The following SAMD9L variants were observed in gnomAD, a reference collection of about 807,000 sequenced individuals.
The protein encoded by SAMD9L is sterile alpha motif domain-containing protein 9-like.
In SAMD9L, 68 loss-of-function variants were observed where a neutral mutation model predicts 90.7. The ratio of observed to expected loss-of-function variants is 0.75; its 90% CI spans 0.62 to 0.92. The LOEUF is 0.92. Among genes scored for constraint, SAMD9L ranks in the 40% least tolerant of loss-of-function variants. SAMD9L has a pLI of 0.00. For synonymous variants in SAMD9L, 640 were observed against 630.1 expected (o/e 1.02, Z -0.23); for missense variants, 1,604 against 1,824.3 (o/e 0.88, Z 2.20).
Position 93,136,997 on chromosome 7 carries a change from A to G in SAMD9L, c.-20-1006T>C, listed in dbSNP as rs79285323. Among the ~76,000 whole-genome samples the G allele has an allele frequency of 7.6e-4, 116 of 152,354 alleles. No individual in the cohort carries two copies. The East Asian group carries it at 9.6e-3, about 13-fold the overall frequency. On this transcript the variant is annotated intron_variant, in intron 4 of 4. Transcript: ENST00000318238. ...TAGAAATGTAAATTCTCAGGCCCCC[A>G]CTTAGACCTACTGAATCAGAATTTA...
At position 93,133,041 on chromosome 7, in the gene SAMD9L, T is replaced by C. The variant is rs1386008983; in HGVS notation, c.2931A>G (p.Ala977=). The C allele has an allele frequency of 6.2e-7, 1 of 1,613,684 alleles. No individual in the cohort carries two copies. The highest frequency in any genetic ancestry group is 2.2e-5 in the East Asian group (1 of 44,860). ...GCACACCTGTGTATCTCCCATATTC[T>C]GCAACTTCTGTTTTTATTAGAAGTG... ...YSTLLIKTEV[A]EYGRYTGVRI... The change falls in exon 5 of 5, where the codon GCA becomes GCG. Residue 977 remains alanine, a synonymous_variant. Transcript: ENST00000318238.
chr7:93,135,286 A>G lies in SAMD9L; in HGVS notation c.686T>C (p.Met229Thr), dbSNP rs1397481207. The G allele has an allele frequency of 8.7e-6, 14 of 1,614,030 alleles. No homozygotes were observed. The highest frequency in any genetic ancestry group is 1.2e-5 in the Non-Finnish European group (14 of 1,180,002). The change falls in exon 5 of 5, where the codon ATG becomes ACG. Residue 229 changes from methionine (M) to threonine (T), a missense_variant. Coordinates refer to ENST00000318238, the MANE Select transcript of SAMD9L (RefSeq NM_152703.5). ...GATGGTGCCATTGGTGCGTGAATTC[A>G]TACAAGCTGATGCAAATCGGAAGAC... ...NEVFRFASAC[M>T]NSRTNGTIHF...
intron 1 of SAMD9L, among the ~76,000 whole-genome samples, chr7:93,147,662 C>T (rs911747958): frequency 1.3e-5 from 2 of 152,190 alleles, no homozygotes; most frequent in African/African-American, 4.8e-5. Flanking sequence ...AAGTTAGTTT[C>T]GTTTTCCTGA....
chr7:93,144,836 G>GTC lies in SAMD9L; in HGVS notation c.-122-4_-122-3insGA, dbSNP rs1792830735. On this transcript the variant is annotated splice_polypyrimidine_tract_variant and splice_region_variant and intron_variant, in intron 3 of 4. Transcript: ENST00000318238. ...CCCTGCTCTGATCCTCTGTGTAGCTGAAATCGCAAAGCAAAAGTTAGTTTT... is the reference window on the plus strand; with the variant it reads ...CCCTGCTCTGATCCTCTGTGTAGCTGTCAAATCGCAAAGCAAAAGTTAGTTTT... The GTC allele has an allele frequency of 6.6e-6, 1 of 152,198 alleles. No individual in the cohort carries two copies. Among genetic ancestry groups the GTC allele is most frequent in the African/African-American group, 2.4e-5 (1 of 41,458 alleles). 9.4% of individuals were successfully genotyped at this position (152,198 alleles called of 1,614,324 possible). A position where few individuals can be genotyped will look rare whatever the true frequency, so the allele number is the denominator to read the frequency against.
chr7:93,144,342 A>C (rs552222554), intron 4 of SAMD9L, among the ~76,000 whole-genome samples: 1 of 152,220 alleles, frequency 6.6e-6, no homozygotes, highest in Non-Finnish European at 1.5e-5. Context: ...TTGAAAAAAA[A>C]ATTGCATCTG....
Position 93,131,279 on chromosome 7 carries a change from C to A in SAMD9L, c.4693G>T (p.Val1565Leu). 1 of 1,604,532 alleles carries A rather than the reference C, an allele frequency of 6.2e-7. No individual in the cohort carries two copies. The highest frequency in any genetic ancestry group is 8.5e-7 in the Non-Finnish European group (1 of 1,176,408). The change falls in exon 5 of 5, where the codon GTG becomes TTG. Residue 1565 changes from valine to leucine, a missense_variant. Val to Leu is a conservative substitution (Grantham distance 32). Around this residue, in one of 7 missense-constraint regions of SAMD9L, gnomAD observed 282 missense variants for 329.6 expected, o/e 0.86. Transcript: ENST00000318238. ...PLRSGRNIER[V>L]SFYLGFSIEG... ...ATGGAAAATCCTAGGTAGAAAGACA[C>A]TCTTTCTATGTTCCTACCACTTCTG...
chr7:93,133,952 A>G lies in SAMD9L; in HGVS notation c.2020T>C (p.Ser674Pro). The G allele has an allele frequency of 6.2e-7, 1 of 1,613,788 alleles. No individual in the cohort carries two copies. Among genetic ancestry groups the G allele is most frequent in the Non-Finnish European group, 8.5e-7 (1 of 1,179,844 alleles). The change falls in exon 5 of 5, where the codon TCT (serine) becomes CCT (proline). Residue 674 changes from serine to proline, a missense_variant. Around this residue, in one of 7 missense-constraint regions of SAMD9L, gnomAD observed 606 missense variants for 717.6 expected, o/e 0.84. Coordinates refer to ENST00000318238, the MANE Select transcript of SAMD9L (RefSeq NM_152703.5). ...CTETDIEKDK[S>P]KFLEFKKSKE... ...GATTTCTTAAACTCCAGGAATTTAG[A>G]TTTGTCTTTCTCGATGTCTGTCTCT...
chr7:93,134,268 A>G lies in SAMD9L; in HGVS notation c.1704T>C (p.Tyr568=), dbSNP rs1792303121. 1 of 1,613,488 alleles carries G rather than the reference A, an allele frequency of 6.2e-7. No individual in the cohort carries two copies. Among genetic ancestry groups the G allele is most frequent in the African/African-American group, 1.3e-5 (1 of 74,916 alleles). ...TATTTTCCATTCCTTTGAGAGCTTG[A>G]TAGAAAGCCCAGAAAGTTTCAATGA... The part of the protein sequence containing the change: ...DPLIETFWAF[Y]QALKGMENML... Residue 568 remains tyrosine, a synonymous_variant, in exon 5 of 5, where the codon TAT becomes TAC. Transcript: ENST00000318238.
chr7:93,141,636 C>T (rs552676958), intron 4 of SAMD9L, among the ~76,000 whole-genome samples: 1 of 152,242 alleles, frequency 6.6e-6, no homozygotes, highest in South Asian at 2.1e-4. Context: ...CACAGTATAT[C>T]CATAATTCCA....
chr7:93,147,916 C>CT (rs1269810252), intron 1 of SAMD9L, among the ~76,000 whole-genome samples: 1 of 152,172 alleles, frequency 6.6e-6, no homozygotes, highest in Non-Finnish European at 1.5e-5. Context: ...TCTCTATCCT[C>CT]TTTTCCAAAG....
Position 93,132,522 on chromosome 7 carries a change from T to C in SAMD9L, c.3450A>G (p.Thr1150=), listed in dbSNP as rs1321145463. The change falls in exon 5 of 5, where the codon ACA becomes ACG. Residue 1150 remains threonine, a synonymous_variant. Coordinates refer to ENST00000318238, the MANE Select transcript of SAMD9L (RefSeq NM_152703.5). The part of the protein sequence containing the change: ...NCRSITVNDL[T]HLLEAAEKAS... ...CTTTTTCCGCAGCTTCTAGGAGATGTGTTAGGTCATTAACAGTAATGCTCC... is the reference window on the plus strand; with the variant it reads ...CTTTTTCCGCAGCTTCTAGGAGATGCGTTAGGTCATTAACAGTAATGCTCC... 5 of 1,613,890 alleles carry C rather than the reference T, an allele frequency of 3.1e-6. No homozygotes were observed. In the Admixed American group the frequency reaches 8.3e-5, roughly 27 times the overall value.
Position 93,131,304 on chromosome 7 carries a change from G to A in SAMD9L, c.4668C>T (p.Leu1556=), listed in dbSNP as rs1167629180. ...CTCTTTCTATGTTCCTACCACTTCT[G>A]AGTGGACCTGAATAAACAGATATTA... ...IPVISVYSGP[L]RSGRNIERVS... The change falls in exon 5 of 5, where the codon CTC becomes CTT. Residue 1556 remains leucine, a synonymous_variant. Transcript: ENST00000318238. The A allele has an allele frequency of 3.7e-6, 6 of 1,612,710 alleles. No homozygotes were observed. The Admixed American group carries it at 5.0e-5, about 13-fold the overall frequency.
rs1330837828 is a variant in SAMD9L at position 93,134,498 on chromosome 7, G to A, written c.1474C>T (p.Gln492Ter). 6.2e-7 allele frequency: 1 copy of A among 1,613,986 alleles called. No homozygotes were observed. Among genetic ancestry groups the A allele is most frequent in the Non-Finnish European group, 8.5e-7 (1 of 1,179,914 alleles). ...CCGTTGCAGAAAATCCAGCTGGGCT[G>A]TTGGTAAAGATTAAGAGTAGAAATC... is the stretch of plus-strand genomic sequence containing the variant. Reference protein sequence around the residue: ...EKISTLNLYQQPSWIFCNGRS... With the variant: ...EKISTLNLYQ Residue 492 changes from glutamine (Q) to a stop codon, truncating the protein, a stop_gained, in exon 5 of 5, where the codon CAG becomes TAG. Transcript: ENST00000318238. LOFTEE classifies it high-confidence loss of function.
rs1352908140 is a variant in SAMD9L at position 93,131,859 on chromosome 7, G to A, written c.4113C>T (p.Asn1371=). 1.2e-6 allele frequency: 2 copies of A among 1,611,978 alleles called. No homozygotes were observed. The highest frequency in any genetic ancestry group is 1.7e-5 in the Admixed American group (1 of 59,982). ...TCTCATTTGTCATGGGCTTTTTTGA[G>A]TTTTGCTGCAGTAGGAAGGCATATT... ...VNEYAFLLQQ[N]SKKPMTNEKQ... Residue 1371 remains asparagine (N), a synonymous_variant, in exon 5 of 5, where the codon AAC becomes AAT. Transcript: ENST00000318238.
Position 93,135,643 on chromosome 7 carries a change from T to A in SAMD9L, c.329A>T (p.Glu110Val). 6.2e-7 allele frequency: 1 copy of A among 1,614,078 alleles called. No individual in the cohort carries two copies. Among genetic ancestry groups the A allele is most frequent in the Non-Finnish European group, 8.5e-7 (1 of 1,179,950 alleles). The change falls in exon 5 of 5, where the codon GAA becomes GTA. Residue 110 changes from glutamate to valine, a missense_variant. Physicochemically the swap from Glu to Val is moderately radical, Grantham distance 121 (BLOSUM62 -2). This residue lies in a region of SAMD9L where 374 missense variants were observed against 363.6 expected (regional missense o/e 1.03). Coordinates refer to ENST00000318238, the MANE Select transcript of SAMD9L (RefSeq NM_152703.5). ...HQKNPKHTKKEEENSMSSNID... is the reference protein window; with the variant it reads ...HQKNPKHTKKVEENSMSSNID... ...ATTAGATGACATTGAATTTTCTTCT[T>A]CCTTTTTGGTGTGTTTTGGATTTTT...
chr7:93,136,068 T>C, intron 4 of SAMD9L, 77 bp from the exon 5 acceptor site: 1 of 945,078 alleles, frequency 1.1e-6, no homozygotes, highest in East Asian at 2.8e-5. Flanking sequence ...ATGTATACAT[T>C]ATCATACAGA....
rs1357668409 is a variant in SAMD9L, at chr7:93,131,424, A to T, written c.4548T>A (p.Asn1516Lys). 1.2e-6 allele frequency: 2 copies of T among 1,613,234 alleles called. No homozygotes were observed. Among genetic ancestry groups the T allele is most frequent in the Non-Finnish European group, 8.5e-7 (1 of 1,179,726 alleles). ...GACGACGCAGGAGGTCTTTGACTTC[A>T]TTTTTTTTCCACACATCCCCACTGT... ...LWHSGDVWKKNEVKDLLRRLT... is the reference protein window; with the variant it reads ...LWHSGDVWKKKEVKDLLRRLT... Residue 1516 changes from asparagine (N) to lysine (K), a missense_variant, in exon 5 of 5, where the codon AAT becomes AAA. This residue lies in a region of SAMD9L where 282 missense variants were observed against 329.6 expected (regional missense o/e 0.86). Transcript: ENST00000318238.
chr7:93,132,994 G>A lies in SAMD9L; in HGVS notation c.2978C>T (p.Ala993Val). ...TTCCAGTTCTTTTAGACAGTACAGG[G>A]CAATCAGAGGGTGAATGATACGCAC... The part of the protein sequence containing the change: ...TGVRIIHPLI[A>V]LYCLKELERS... Residue 993 changes from alanine to valine, a missense_variant, in exon 5 of 5, where the codon GCC (alanine) becomes GTC (valine). Physicochemically the swap from Ala to Val is moderately conservative, Grantham distance 64. Transcript: ENST00000318238. 1.2e-6 allele frequency: 2 copies of A among 1,613,344 alleles called. No individual in the cohort carries two copies. The highest frequency in any genetic ancestry group is 8.5e-7 in the Non-Finnish European group (1 of 1,179,496).
At position 93,132,459 on chromosome 7, in the gene SAMD9L, A is replaced by C; in HGVS notation, c.3513T>G (p.Asp1171Glu). The C allele has an allele frequency of 6.2e-7, 1 of 1,613,610 alleles. No homozygotes were observed. Among genetic ancestry groups the C allele is most frequent in the East Asian group, 2.2e-5 (1 of 44,886 alleles). ...AGTTCTCGGTTTCATAGTTTTTACT[A>C]TCAGTTTGCCTTTGGGATTCTTTGA... ...RAFKESQRQT[D>E]SKNYETENWS... Residue 1171 changes from aspartate to glutamate, a missense_variant, in exon 5 of 5, where the codon GAT becomes GAG. Physicochemically the swap from Asp to Glu is conservative, Grantham distance 45 (BLOSUM62 2). This residue lies in a region of SAMD9L where 302 missense variants were observed against 314.7 expected (regional missense o/e 0.96). Coordinates refer to ENST00000318238, the MANE Select transcript of SAMD9L (RefSeq NM_152703.5).
Sources: allele counts gnomAD v4.1 joint callset (sites outside exome capture counted in the v4.1 genomes callset), GRCh38; gene constraint gnomAD v4.1.1; regional missense constraint gnomAD v4.1.1; transcripts MANE v1.5; gene names NCBI Gene and HGNC (gene_info 2026-07-23, HGNC 2026-07-21).